The following NEXN variants were observed in gnomAD, a reference collection of about 807,000 sequenced individuals.
NEXN encodes the protein nexilin F-actin binding protein, also known as nexilin.
In NEXN, 65 loss-of-function variants were observed where a neutral mutation model predicts 92.6. That is an observed-to-expected ratio of 0.70 (90% CI 0.57 to 0.86). The LOEUF is 0.86. Ranked by LOEUF, NEXN falls within the 40% of genes least tolerant of loss-of-function variation. The pLI, the probability that NEXN is intolerant of heterozygous loss-of-function variation, is 0.00. For synonymous variants in NEXN, 254 were observed against 242.5 expected (o/e 1.05, Z -0.44); for missense variants, 778 against 771.1 (o/e 1.01, Z -0.11).
chr1:77,919,098 G>C (rs766493951), intron 5 of NEXN, among the ~76,000 whole-genome samples: 3 of 152,154 alleles, frequency 2.0e-5, no homozygotes, highest in African/African-American at 7.2e-5. Flanking sequence ...TACTTCTTAC[G>C]TAGCGGTGGC....
chr1:77,899,223 A>G (rs1397854019), intron 1 of NEXN, among the ~76,000 whole-genome samples: 3 of 149,502 alleles, frequency 2.0e-5, no homozygotes, highest in African/African-American at 5.0e-5. Context: ...GTTTATTGCG[A>G]CACTATTCAC....
Position 77,943,177 on chromosome 1 carries a change from C to T in NEXN, c.*348C>T, listed in dbSNP as rs1651544991. The T allele has an allele frequency of 3.1e-6, 1 of 322,312 alleles. No individual in the cohort carries two copies. Among genetic ancestry groups the T allele is most frequent in the East Asian group, 7.6e-5 (1 of 13,168 alleles). The allele number at this position is 322,312 out of a possible 1,614,324, so 20.0% of individuals were successfully genotyped here. ...AATTACTCAATTATTCTATCAGAAC[C>T]TATTATAAAGACTGTATTTCCCATA... is the stretch of plus-strand genomic sequence containing the variant. On this transcript the variant is annotated 3_prime_UTR_variant, in exon 13 of 13. Transcript: ENST00000334785.
intron 5 of NEXN, among the ~76,000 whole-genome samples, chr1:77,920,037 C>T (rs1164507464): frequency 6.6e-6 from 1 of 151,838 alleles, no homozygotes; most frequent in East Asian, 1.9e-4. Context: ...GTAGCTAGGA[C>T]TAAGGCACAT....
chr1:77,926,516 GAGAA>G lies in NEXN; in HGVS notation c.599_602del (p.Glu200GlyfsTer10). The G allele has an allele frequency of 6.2e-7, 1 of 1,612,828 alleles. No homozygotes were observed. The highest frequency in any genetic ancestry group is 8.5e-7 in the Non-Finnish European group (1 of 1,179,576). On this transcript the variant is annotated frameshift_variant, in exon 7 of 13. Transcript: ENST00000334785. LOFTEE classifies it high-confidence loss of function. ...TGAGGATCTAGAAAAAGAACGTGAAGAGAAAGAAAGGATCAAGTACGAGGAAGAT... is the reference window on the plus strand; with the variant it reads ...TGAGGATCTAGAAAAAGAACGTGAAGAGAAAGGATCAAGTACGAGGAAGAT...
chr1:77,935,852 G>A lies in NEXN; in HGVS notation c.1281G>A (p.Leu427=). Residue 427 remains leucine (L), a synonymous_variant, in exon 11 of 13, where the codon TTG becomes TTA. Coordinates refer to ENST00000334785, the MANE Select transcript of NEXN (RefSeq NM_144573.4). ...AGGAAGAAAATGAAACCTTTGGATT[G>A]AGCAGAGAATATGAAGAACTGATCA... ...EEEEENETFG[L]SREYEELIKL... 1 of 1,612,956 alleles carries A rather than the reference G, an allele frequency of 6.2e-7. No individual in the cohort carries two copies. Among genetic ancestry groups the A allele is most frequent in the East Asian group, 2.2e-5 (1 of 44,846 alleles).
chr1:77,895,738 A>G (rs1278526375), intron 1 of NEXN, among the ~76,000 whole-genome samples: 1 of 152,184 alleles, frequency 6.6e-6, no homozygotes, highest in South Asian at 2.1e-4. Context: ...GGTAGTGCAC[A>G]CCTGTAATCC....
chr1:77,925,197 A>G lies in NEXN; in HGVS notation c.457A>G (p.Ile153Val), dbSNP rs1649751323. Reference sequence around the variant, plus strand: ...AATTCTCATTCAATAGATTGAGGACATAAACAATACGGGAACTGAATCAGC... The same window carrying G: ...AATTCTCATTCAATAGATTGAGGACGTAAACAATACGGGAACTGAATCAGC... ...LAKRAEQIED[I>V]NNTGTESASE... Residue 153 changes from isoleucine (I) to valine (V), a missense_variant, in exon 6 of 13, where the codon ATA becomes GTA. Transcript: ENST00000334785. 6.3e-7 allele frequency: 1 copy of G among 1,597,308 alleles called. No homozygotes were observed. The highest frequency in any genetic ancestry group is 2.2e-5 in the East Asian group (1 of 44,600).
Position 77,942,150 on chromosome 1 carries a change from A to G in NEXN, c.1601A>G (p.Glu534Gly). 1 of 1,613,828 alleles carries G rather than the reference A, an allele frequency of 6.2e-7. No homozygotes were observed. Among genetic ancestry groups the G allele is most frequent in the South Asian group, 1.1e-5 (1 of 91,074 alleles). Residue 534 changes from glutamate (E) to glycine (G), a missense_variant, in exon 12 of 13, where the codon GAA (glutamate) becomes GGA (glycine). Physicochemically the swap from Glu to Gly is moderately conservative, Grantham distance 98. This residue lies in a region of NEXN where 532 missense variants were observed against 476.7 expected (regional missense o/e 1.12). Coordinates refer to ENST00000334785, the MANE Select transcript of NEXN (RefSeq NM_144573.4). ...GAAGAAGAACAAAGAAGAATTGAAG[A>G]ACAAAAGTTACTACGCATGCAGTTT... ...REEEEQRRIE[E>G]QKLLRMQFEQ...
chr1:77,929,643 C>T (rs1339364452), intron 9 of NEXN, 139 bp downstream of exon 9: 2 of 1,162,814 alleles, frequency 1.7e-6, no homozygotes, highest in African/African-American at 3.1e-5. Flanking sequence ...GTTTTAAAGT[C>T]TCCCATGGAA....
Position 77,943,032 on chromosome 1 carries a change from C to A in NEXN, c.*203C>A. 1 of 627,084 alleles carries A rather than the reference C, an allele frequency of 1.6e-6. No homozygotes were observed. The highest frequency in any genetic ancestry group is 1.6e-5 in the South Asian group (1 of 61,692). The allele number at this position is 627,084 out of a possible 1,614,324, so 38.8% of individuals were successfully genotyped here. On this transcript the variant is annotated 3_prime_UTR_variant, in exon 13 of 13. Coordinates refer to ENST00000334785, the MANE Select transcript of NEXN (RefSeq NM_144573.4). ...GTGCCACTATGCTGACTTCTTATTC[C>A]TTTTCATAACAGTCTTCAAAGCACA...
At chr1:77,928,781 T>A (rs1334664626) in intron 8 of NEXN, among the ~76,000 whole-genome samples, 1 of 152,168 alleles carries the variant, frequency 6.6e-6, no homozygotes, top group African/African-American at 2.4e-5. Flanking sequence ...ACGCATTTTA[T>A]ATTTGTTCTG....
chr1:77,894,909 T>C (rs932732457), intron 1 of NEXN, among the ~76,000 whole-genome samples: 1 of 150,192 alleles, frequency 6.7e-6, no homozygotes, highest in Non-Finnish European at 1.5e-5. Context: ...AGAGATGGAG[T>C]TTCACCATGT....
intron 1 of NEXN, among the ~76,000 whole-genome samples, chr1:77,900,926 A>G (rs1041773092): frequency 3.9e-5 from 6 of 152,196 alleles, no homozygotes; most frequent in Admixed American, 3.3e-4. Context: ...TCAAACAAGA[A>G]AAATCACTTA....
At chr1:77,917,517 T>C (rs2102091361) in intron 2 of NEXN, 49 bp from the exon 3 acceptor site, 1 of 1,337,572 alleles carries the variant, frequency 7.5e-7, no homozygotes, top group East Asian at 2.3e-5. Context: ...ACCTAATTTC[T>C]TCCTATCTTT....
In NEXN at chr1:77,918,155, A is replaced by C; in HGVS notation, c.329A>C (p.Glu110Ala). The C allele has an allele frequency of 6.2e-7, 1 of 1,614,054 alleles. No individual in the cohort carries two copies. The highest frequency in any genetic ancestry group is 8.5e-7 in the Non-Finnish European group (1 of 1,179,972). The change falls in exon 5 of 13, where the codon GAG becomes GCG. Residue 110 changes from glutamate to alanine, a missense_variant. Physicochemically the swap from Glu to Ala is moderately radical, Grantham distance 107. This residue lies in a region of NEXN where 236 missense variants were observed against 265.6 expected (regional missense o/e 0.89). Coordinates refer to ENST00000334785, the MANE Select transcript of NEXN (RefSeq NM_144573.4). ...GTGAAGGGTAGATTTGCTGAAATGGAGAAACAAAGACAAGAGGAACAAAGG... is the reference window on the plus strand; with the variant it reads ...GTGAAGGGTAGATTTGCTGAAATGGCGAAACAAAGACAAGAGGAACAAAGG... ...GTVKGRFAEM[E>A]KQRQEEQRKR...
At position 77,891,747 on chromosome 1, in the gene NEXN, T is replaced by TAA. The variant is rs373772489; in HGVS notation, c.-53+3010_-53+3011dup. On this transcript the variant is annotated intron_variant, in intron 1 of 12. Coordinates refer to ENST00000334785, the MANE Select transcript of NEXN (RefSeq NM_144573.4). Reference sequence around the variant, plus strand: ...CTGATTACCAAGTGTGGAAAAAAAGTAAAAAAAAAAAAAAAAAAAAAAATC... The same window carrying TAA: ...CTGATTACCAAGTGTGGAAAAAAAGTAAAAAAAAAAAAAAAAAAAAAAAAATC... Among the ~76,000 whole-genome samples the TAA allele has an allele frequency of 9.5e-4, 123 of 129,004 alleles. 3 individuals are homozygous for TAA. Among genetic ancestry groups the TAA allele is most frequent in the Admixed American group, 4.1e-4 (5 of 12,198 alleles). The allele number at this position is 129,004 out of a possible 152,430, so 84.6% of individuals were successfully genotyped here.
Position 77,935,837 on chromosome 1 carries a change from T to C in NEXN, c.1266T>C (p.Asn422=), listed in dbSNP as rs1200707526. The C allele has an allele frequency of 1.2e-6, 2 of 1,611,960 alleles. No individual in the cohort carries two copies. Among genetic ancestry groups the C allele is most frequent in the Non-Finnish European group, 1.7e-6 (2 of 1,179,660 alleles). ...RQEMGEEEEE[N]ETFGLSREYE... is the part of the protein sequence containing the mutation. Reference sequence around the variant, plus strand: ...TTTTTTTGAAGGAAGAGGAAGAAAATGAAACCTTTGGATTGAGCAGAGAAT... The same window carrying C: ...TTTTTTTGAAGGAAGAGGAAGAAAACGAAACCTTTGGATTGAGCAGAGAAT... The change falls in exon 11 of 13, where the codon AAT becomes AAC. Residue 422 remains asparagine (N), a synonymous_variant. Coordinates refer to ENST00000334785, the MANE Select transcript of NEXN (RefSeq NM_144573.4).
intron 5 of NEXN, among the ~76,000 whole-genome samples, chr1:77,921,936 A>G (rs575226648): frequency 1.3e-5 from 2 of 151,734 alleles, no homozygotes; most frequent in East Asian, 3.9e-4. Flanking sequence ...ATCTACCAAA[A>G]AAGTCTTTTT....
intron 1 of NEXN, among the ~76,000 whole-genome samples, chr1:77,907,079 T>G (rs985981964): frequency 1.3e-5 from 2 of 152,230 alleles, no homozygotes; most frequent in East Asian, 3.8e-4. Flanking sequence ...AAATGTTAAC[T>G]TGGATTATCT....
Sources: gnomAD v4.1 joint callset for allele counts (sites outside exome capture counted in the v4.1 genomes callset) on GRCh38, gnomAD v4.1.1 for gene constraint, gnomAD v4.1.1 regional missense constraint, MANE v1.5 for transcripts, NCBI Gene and HGNC (gene_info 2026-07-23, HGNC 2026-07-21) for gene names.